TBXAS1: variants seen among roughly 807,000 people sequenced by gnomAD.
TBXAS1 encodes the protein thromboxane A synthase 1, also known as thromboxane-A synthase.
TBXAS1 carries 48 observed loss-of-function variants against 60.7 expected under a neutral mutation model. The ratio of observed to expected loss-of-function variants is 0.79; its 90% CI spans 0.63 to 1.01. The LOEUF (loss-of-function observed/expected upper bound fraction) is 1.01, where lower values mean the gene tolerates loss of function less well. TBXAS1 is among the 50% of genes least tolerant of loss of function. TBXAS1 has a pLI of 0.00. For missense variants in TBXAS1, 685 were observed against 686.3 expected, an observed-to-expected ratio of 1.00 and a Z score of 0.02; for synonymous variants, 287 against 269.7, an observed-to-expected ratio of 1.06 and a Z score of -0.63.
chr7:139,912,669 G>T (rs753331205), intron 4 of TBXAS1, among the ~76,000 whole-genome samples: 1 of 152,132 alleles, frequency 6.6e-6, no homozygotes, highest in Non-Finnish European at 1.5e-5. Flanking sequence ...GAGGTGGGGA[G>T]CCCAGGCCAC....
At chr7:139,789,584 C>T (rs1010012120) in intron 4 of TBXAS1, 2 of 151,528 alleles carry the variant, frequency 1.3e-5, no homozygotes, top group African/African-American at 4.9e-5. Context: ...GACCCAACGG[C>T]TAGGATCTGA....
intron 3 of TBXAS1, among the ~76,000 whole-genome samples, chr7:139,879,874 G>GTGTA (rs1802559726): frequency 1.6e-5 from 2 of 125,706 alleles, no homozygotes; most frequent in Admixed American, 1.6e-4. Context: ...GTGTGTGTGT[G>GTGTA]TGTGTTTTGT....
intron 9 of TBXAS1, 39 bp downstream of exon 9, chr7:139,962,272 A>G (rs1046347012): frequency 1.2e-6 from 2 of 1,609,704 alleles, no homozygotes; most frequent in African/African-American, 2.7e-5. Flanking sequence ...TGGGATATCC[A>G]TAGGACAATT....
At chr7:140,016,448 G>C in intron 11 of TBXAS1, 1 of 282,666 alleles carries the variant, frequency 3.5e-6, no homozygotes, top group South Asian at 3.5e-5. Context: ...AAGGAACAAG[G>C]CAATTTCAAA....
chr7:139,917,575 T>C (rs1029784591), intron 4 of TBXAS1, among the ~76,000 whole-genome samples: 1 of 152,222 alleles, frequency 6.6e-6, no homozygotes, highest in Non-Finnish European at 1.5e-5. Flanking sequence ...ATCCATGGCA[T>C]TACATTTAAT....
intron 4 of TBXAS1, among the ~76,000 whole-genome samples, chr7:139,923,771 A>G (rs905973366): frequency 2.0e-5 from 3 of 151,950 alleles, no homozygotes; most frequent in Non-Finnish European, 4.4e-5. Context: ...CCCATTAACC[A>G]TCCCCACCTC....
intron 9 of TBXAS1, among the ~76,000 whole-genome samples, chr7:140,003,345 A>G (rs2116358606): frequency 6.6e-6 from 1 of 151,860 alleles, no homozygotes; most frequent in Admixed American, 6.6e-5. Flanking sequence ...CTGGGGTTAC[A>G]GGCACCCACC....
rs1200950027 is a variant in TBXAS1 at position 140,013,728 on chromosome 7, C to T, written c.1227-1995C>T. On this transcript the variant is annotated intron_variant, in intron 10 of 12. Transcript: ENST00000448866. The surrounding 1 kb of genome is among the most constrained non-coding windows in gnomAD (Gnocchi z 4.2). ...ATCTCACAGCACCAGGAGCCCTGAA[C>T]ACCAGCCTGAGGCTCAGCCCTGAAG... Among the ~76,000 whole-genome samples the T allele has an allele frequency of 6.6e-6, 1 of 152,220 alleles. No homozygotes were observed. Among genetic ancestry groups the T allele is most frequent in the African/African-American group, 2.4e-5 (1 of 41,442 alleles).
At position 139,911,250 on chromosome 7, in the gene TBXAS1, A is replaced by T; in HGVS notation, c.262A>T (p.Ile88Phe). 6.2e-7 allele frequency: 1 copy of T among 1,614,074 alleles called. No individual in the cohort carries two copies. The highest frequency in any genetic ancestry group is 1.3e-5 in the African/African-American group (1 of 75,000). ...CGYYLGRRMF[I>F]VISEPDMIKQ... ...GTACTATCTTGGTCGTCGGATGTTT[A>T]TTGTTATTTCTGAGCCAGACATGAT... Residue 88 changes from isoleucine (I) to phenylalanine (F), a missense_variant, in exon 4 of 13, where the codon ATT (isoleucine) becomes TTT (phenylalanine). Physicochemically the swap from Ile to Phe is conservative, Grantham distance 21. Coordinates refer to ENST00000448866, the MANE Select transcript of TBXAS1 (RefSeq NM_001061.7).
At chr7:139,836,462 A>G (rs556016222) in intron 1 of TBXAS1, among the ~76,000 whole-genome samples, 9 of 152,238 alleles carry the variant, frequency 5.9e-5, no homozygotes, top group African/African-American at 1.7e-4. Context: ...ACTGGTATAA[A>G]AATAGGCACA....
intron 1 of TBXAS1, among the ~76,000 whole-genome samples, chr7:139,831,212 G>A (rs1303330364): frequency 6.6e-6 from 1 of 152,186 alleles, no homozygotes; most frequent in Non-Finnish European, 1.5e-5. Context: ...TTCTGGGGGT[G>A]AGCTGGATGT....
In TBXAS1 at chr7:139,781,191, G is replaced by A. The variant is rs117559272; in HGVS notation, c.-233+367G>A. ...GCATTCAATTGAGCTAGCGAAGTTC[G>A]TATGATATAACGGAAAAATATTCTT... On this transcript the variant is annotated intron_variant, in intron 2 of 16. Transcript: ENST00000336425. 2.6e-5 allele frequency among the ~76,000 whole-genome samples: 4 copies of A among 152,294 alleles called. No homozygotes were observed. The East Asian group carries it at 7.7e-4, about 29-fold the overall frequency.
intron 9 of TBXAS1, among the ~76,000 whole-genome samples, chr7:139,990,268 C>T (rs903246000): frequency 7.9e-5 from 12 of 152,306 alleles, no homozygotes; most frequent in African/African-American, 2.4e-4. Context: ...GCACAGCTGG[C>T]GGTGGTGGCT....
chr7:139,840,917 T>A (rs1799393617), intron 1 of TBXAS1, among the ~76,000 whole-genome samples: 1 of 152,202 alleles, frequency 6.6e-6, no homozygotes, highest in Admixed American at 6.5e-5. Context: ...GAGCAGCTGG[T>A]ACAGAAGGCC....
chr7:139,901,151 G>T (rs1036172206), intron 3 of TBXAS1, among the ~76,000 whole-genome samples: 2 of 152,116 alleles, frequency 1.3e-5, no homozygotes, highest in Non-Finnish European at 2.9e-5. Flanking sequence ...TCCATTCAAG[G>T]TCTTTTCAGG....
intron 9 of TBXAS1, among the ~76,000 whole-genome samples, chr7:139,970,220 C>A (rs964405833): frequency 1.3e-5 from 2 of 152,238 alleles, no homozygotes; most frequent in Non-Finnish European, 2.9e-5. Context: ...GATTCTCCTG[C>A]CTCAGCCTCT....
At chr7:139,818,407 G>A (rs950972216) in intron 4 of TBXAS1, among the ~76,000 whole-genome samples, 3 of 152,152 alleles carry the variant, frequency 2.0e-5, no homozygotes, top group African/African-American at 4.8e-5. Context: ...TTCAAGGTAC[G>A]AAGGTGTTGG....
chr7:139,786,236 C>G (rs969430357), intron 3 of TBXAS1, among the ~76,000 whole-genome samples: 1 of 151,600 alleles, frequency 6.6e-6, no homozygotes, highest in Non-Finnish European at 1.5e-5. Context: ...ATAATAATGT[C>G]TGCCTCATCA....
At chr7:139,943,797 TAA>T (rs1378871960) in intron 5 of TBXAS1, among the ~76,000 whole-genome samples, 1 of 152,210 alleles carries the variant, frequency 6.6e-6, no homozygotes, top group Admixed American at 6.5e-5. Flanking sequence ...AAGGAAGTGA[TAA>T]GTTTCATTAG....
Sources: allele counts gnomAD v4.1 joint callset (sites outside exome capture counted in the v4.1 genomes callset), GRCh38; gene constraint gnomAD v4.1.1; non-coding constraint Gnocchi (gnomAD v3.1); transcripts MANE v1.5; gene names NCBI Gene and HGNC (gene_info 2026-07-23, HGNC 2026-07-21).